ADGRE1: variants seen among roughly 807,000 people sequenced by gnomAD.
ADGRE1 encodes EGF-like module receptor 1.
In ADGRE1, 82 loss-of-function variants were observed where a neutral mutation model predicts 102.7. The ratio of observed to expected loss-of-function variants is 0.80; its 90% CI spans 0.67 to 0.96. The LOEUF is 0.96. ADGRE1 is among the 40% of genes least tolerant of loss of function. The pLI is 0.00. For missense variants in ADGRE1, 1,032 were observed against 1,085.3 expected (o/e 0.95, Z 0.69); for synonymous variants, 398 against 399.6 (o/e 1.00, Z 0.05).
intron 8 of ADGRE1, among the ~76,000 whole-genome samples, chr19:6,905,260 A>G (rs958982524): frequency 6.6e-6 from 1 of 151,862 alleles, no homozygotes; most frequent in African/African-American, 2.4e-5. Flanking sequence ...AGGTGGGAGG[A>G]TCGCTTGAGC....
chr19:6,921,701 TG>T lies in ADGRE1; in HGVS notation c.1621-11del. The T allele has an allele frequency of 1.3e-6, 2 of 1,545,726 alleles. No individual in the cohort carries two copies. Among genetic ancestry groups the T allele is most frequent in the Non-Finnish European group, 8.7e-7 (1 of 1,150,116 alleles). On this transcript the variant is annotated splice_polypyrimidine_tract_variant and intron_variant, in intron 13 of 20. Coordinates refer to ENST00000312053, the MANE Select transcript of ADGRE1 (RefSeq NM_001974.5). ...GAAGACCTTTGTTTTTTTGTTTTTTTGTTTTTTTTAGCCAAAGCAGAAGTTT... is the reference window on the plus strand; with the variant it reads ...GAAGACCTTTGTTTTTTTGTTTTTTTTTTTTTTTAGCCAAAGCAGAAGTTT...
At chr19:6,918,181 T>C (rs1364063512) in intron 12 of ADGRE1, among the ~76,000 whole-genome samples, 2 of 152,220 alleles carry the variant, frequency 1.3e-5, no homozygotes, top group Admixed American at 1.3e-4. Flanking sequence ...GGCTCACGCC[T>C]GTAATCCCAG....
intron 8 of ADGRE1, among the ~76,000 whole-genome samples, chr19:6,905,964 A>G (rs379254): frequency 0.44 from 67,233 of 151,972 alleles, 17,960 homozygotes; most frequent in African/African-American, 0.75. Context: ...ATATTTTCCC[A>G]TGGTATGTAC....
intron 18 of ADGRE1, among the ~76,000 whole-genome samples, chr19:6,936,555 G>A (rs149466951): frequency 2.0e-3 from 304 of 151,230 alleles, no homozygotes; most frequent in African/African-American, 6.6e-3. Flanking sequence ...ATTTTAAAGC[G>A]TGTAACTCGG....
intron 6 of ADGRE1, 126 bp downstream of exon 6, chr19:6,902,147 C>A: frequency 8.0e-7 from 1 of 1,248,410 alleles, no homozygotes; most frequent in Non-Finnish European, 1.1e-6. Context: ...AATAATCATT[C>A]ATTCACTCAT....
chr19:6,892,033 C>T (rs1422160231), intron 2 of ADGRE1, among the ~76,000 whole-genome samples: 1 of 152,122 alleles, frequency 6.6e-6, no homozygotes, highest in East Asian at 1.9e-4. Flanking sequence ...GGTTGTTACT[C>T]TGACCTTGGT....
chr19:6,924,261 C>T (rs1170629752), intron 14 of ADGRE1, among the ~76,000 whole-genome samples: 1 of 152,054 alleles, frequency 6.6e-6, no homozygotes, highest in African/African-American at 2.4e-5. Context: ...CACCCCACTC[C>T]ACCATGAAAT....
intron 17 of ADGRE1, among the ~76,000 whole-genome samples, chr19:6,933,721 G>A (rs577091900): frequency 4.6e-5 from 7 of 152,144 alleles, no homozygotes; most frequent in East Asian, 3.9e-4. Context: ...CTAGAGAGGT[G>A]GGTTCTACTG....
At chr19:6,916,161 A>T in intron 11 of ADGRE1, 88 bp from the exon 12 acceptor site, 3 of 1,457,104 alleles carry the variant, frequency 2.1e-6, no homozygotes, top group Non-Finnish European at 2.8e-6. Context: ...GCTCGCCATG[A>T]TGGAGGTGTA....
At chr19:6,926,708 A>G (rs1974927333) in intron 16 of ADGRE1, 107 bp downstream of exon 16, 2 of 1,164,126 alleles carry the variant, frequency 1.7e-6, no homozygotes, top group South Asian at 1.4e-5. Flanking sequence ...TGTGGCTACC[A>G]TTTATCGAGC....
intron 11 of ADGRE1, 80 bp downstream of exon 11, chr19:6,913,910 G>T (rs1974288734): frequency 2.1e-6 from 3 of 1,399,680 alleles, no homozygotes; most frequent in Non-Finnish European, 2.9e-6. Context: ...TATTCCCTGG[G>T]TTTCCCACCC....
At position 6,926,509 on chromosome 19, in the gene ADGRE1, G is replaced by T; in HGVS notation, c.2130G>T (p.Met710Ile). The T allele has an allele frequency of 6.2e-7, 1 of 1,614,250 alleles. No individual in the cohort carries two copies. The highest frequency in any genetic ancestry group is 8.5e-7 in the Non-Finnish European group (1 of 1,180,048). ...ACTTCAGCTCTCGCAACATCAAGATGCTGCACATCTGTGCCTTTGGTTATG... is the reference window on the plus strand; with the variant it reads ...ACTTCAGCTCTCGCAACATCAAGATTCTGCACATCTGTGCCTTTGGTTATG... ...VNYFSSRNIK[M>I]LHICAFGYGL... is the part of the protein sequence containing the mutation. Residue 710 changes from methionine (M) to isoleucine (I), a missense_variant, in exon 16 of 21, where the codon ATG becomes ATT. By Grantham distance (10) the Met-to-Ile change is conservative. Transcript: ENST00000312053.
At chr19:6,925,222 G>A (rs1342219463) in intron 15 of ADGRE1, among the ~76,000 whole-genome samples, 1 of 152,160 alleles carries the variant, frequency 6.6e-6, no homozygotes. Context: ...CTTGGTTCAA[G>A]CAATTCTCCT....
At position 6,913,654 on chromosome 19, in the gene ADGRE1, A is replaced by G. The variant is rs1026666179; in HGVS notation, c.1124A>G (p.Asn375Ser). 1.9e-6 allele frequency: 3 copies of G among 1,594,400 alleles called. No individual in the cohort carries two copies. The highest frequency in any genetic ancestry group is 2.6e-6 in the Non-Finnish European group (3 of 1,168,810). The change falls in exon 11 of 21, where the codon AAT becomes AGT. Residue 375 changes from asparagine to serine, a missense_variant and splice_region_variant. By Grantham distance (46) the Asn-to-Ser change is conservative (BLOSUM62 1). Transcript: ENST00000312053. ...ENKTTVVSLK[N>S]TTESFVPVLK... Reference sequence around the variant, plus strand: ...GAACAAACACATCTTTCCTTGCAGAATACAACTGAGAGCTTTGTCCCTGTG... The same window carrying G: ...GAACAAACACATCTTTCCTTGCAGAGTACAACTGAGAGCTTTGTCCCTGTG...
At chr19:6,896,586 T>C in intron 3 of ADGRE1, 45 bp downstream of exon 3, 1 of 1,598,360 alleles carries the variant, frequency 6.3e-7, no homozygotes, top group Non-Finnish European at 8.5e-7. Context: ...GGTAGGAAAA[T>C]CAAGTCAAAG....
chr19:6,901,521 G>A (rs1973764916), intron 5 of ADGRE1, among the ~76,000 whole-genome samples: 1 of 152,216 alleles, frequency 6.6e-6, no homozygotes, highest in Non-Finnish European at 1.5e-5. Context: ...ACCTCTTAAT[G>A]CAAGGTATGG....
chr19:6,905,493 C>T lies in ADGRE1; in HGVS notation c.950-940C>T, dbSNP rs559596950. 5.9e-5 allele frequency among the ~76,000 whole-genome samples: 9 copies of T among 151,986 alleles called. No homozygotes were observed. The East Asian group carries it at 1.8e-3, about 30-fold the overall frequency. ...TCAGCCTGCCGAGTAGCTAGGATTA[C>T]AGGTGCCCATCACCACACCCAGCTA... On this transcript the variant is annotated intron_variant, in intron 8 of 20. Coordinates refer to ENST00000312053, the MANE Select transcript of ADGRE1 (RefSeq NM_001974.5).
At chr19:6,937,709 AC>A (rs1975485057) in intron 20 of ADGRE1, 61 bp downstream of exon 20, 9 of 1,508,708 alleles carry the variant, frequency 6.0e-6, no homozygotes, top group Non-Finnish European at 3.7e-6. Flanking sequence ...TCTTGGTGAC[AC>A]TCAGCTCTGC....
intron 6 of ADGRE1, among the ~76,000 whole-genome samples, chr19:6,902,759 C>T (rs748215217): frequency 1.0e-4 from 14 of 139,964 alleles, no homozygotes; most frequent in Admixed American, 7.8e-4. Context: ...GTTTTTGAGA[C>T]GGAGTCTTGG....
Sources: gnomAD v4.1 joint callset for allele counts (sites outside exome capture counted in the v4.1 genomes callset) on GRCh38, gnomAD v4.1.1 for gene constraint, MANE v1.5 for transcripts, NCBI Gene and HGNC (gene_info 2026-07-23, HGNC 2026-07-21) for gene names.